The following NCKAP5 variants were observed in gnomAD, a reference collection of about 807,000 sequenced individuals.
The protein encoded by NCKAP5 is NCK associated protein 5.
A neutral mutation model predicts 167.0 loss-of-function variants in NCKAP5; 92 were observed. That is an observed-to-expected ratio of 0.55 (90% confidence interval 0.47 to 0.66). NCKAP5 has a LOEUF of 0.66. Ranked by LOEUF, NCKAP5 falls within the 30% of genes least tolerant of loss-of-function variation. The probability of loss-of-function intolerance (pLI) is 0.00; values close to 1 mark genes in which losing one functional copy is unlikely to be tolerated. For synonymous variants in NCKAP5, 891 were observed against 877.4 expected (o/e 1.02, Z -0.27); for missense variants, 2,378 against 2,315.0 (o/e 1.03, Z -0.56).
intron 5 of NCKAP5, among the ~76,000 whole-genome samples, chr2:133,208,862 A>G (rs1481845603): frequency 6.6e-6 from 1 of 152,228 alleles, no homozygotes; most frequent in East Asian, 1.9e-4. Context: ...TTTCAGGACT[A>G]GTTTGCGTAA....
chr2:133,386,645 C>T (rs191861760), intron 3 of NCKAP5, among the ~76,000 whole-genome samples: 14 of 152,098 alleles, frequency 9.2e-5, no homozygotes, highest in Admixed American at 3.3e-4. Context: ...GTTGACAGTG[C>T]GGTGTTAAAG....
Position 132,782,354 on chromosome 2 carries a change from T to C in NCKAP5, c.4457A>G (p.Lys1486Arg). ...GGTGGGCTTTGTTTGCACTTGGCCC[T>C]TTTCCACATTTTCCTGAATGCACAA... ...VMLCIQENVE[K>R]GQVQTKPTSV... Residue 1486 changes from lysine to arginine, a missense_variant, in exon 14 of 20, where the codon AAG (lysine) becomes AGG (arginine). Physicochemically the swap from Lys to Arg is conservative, Grantham distance 26 (BLOSUM62 2). Around this residue, in one of 3 missense-constraint regions of NCKAP5, gnomAD observed 1,325 missense variants for 1,274.5 expected, o/e 1.04. Coordinates refer to ENST00000409261, the MANE Select transcript of NCKAP5 (RefSeq NM_207363.3). 6.2e-7 allele frequency: 1 copy of C among 1,614,062 alleles called. No individual in the cohort carries two copies.
At chr2:133,541,580 G>A (rs1269246627) in intron 2 of NCKAP5, among the ~76,000 whole-genome samples, 1 of 152,076 alleles carries the variant, frequency 6.6e-6, no homozygotes, top group African/African-American at 2.4e-5. Flanking sequence ...TATGTGGACT[G>A]GAGGCAAAGA....
At chr2:132,901,813 A>G (rs1693649734) in intron 8 of NCKAP5, among the ~76,000 whole-genome samples, 2 of 152,236 alleles carry the variant, frequency 1.3e-5, no homozygotes, top group South Asian at 4.1e-4. Context: ...GTAAAGATAC[A>G]CCAGGAACTT....
At chr2:133,233,262 A>T (rs113501967) in intron 4 of NCKAP5, among the ~76,000 whole-genome samples, 1 of 152,110 alleles carries the variant, frequency 6.6e-6, no homozygotes, top group African/African-American at 2.4e-5. Flanking sequence ...GAAATCACAC[A>T]CTCACAGATA....
intron 3 of NCKAP5, among the ~76,000 whole-genome samples, chr2:133,328,590 A>T (rs1682616974): frequency 6.6e-6 from 1 of 152,210 alleles, no homozygotes; most frequent in Non-Finnish European, 1.5e-5. Flanking sequence ...CAAAGTGTTA[A>T]ATATGTAAGA....
chr2:132,851,075 A>T (rs980676846), intron 11 of NCKAP5, among the ~76,000 whole-genome samples: 5 of 151,740 alleles, frequency 3.3e-5, no homozygotes, highest in Non-Finnish European at 7.4e-5. Context: ...GCCGACAGTG[A>T]TTGACAGAAA....
chr2:132,691,608 C>G (rs758544395), intron 19 of NCKAP5, among the ~76,000 whole-genome samples: 1 of 152,208 alleles, frequency 6.6e-6, no homozygotes, highest in Admixed American at 6.5e-5. Context: ...TGGACAAGCA[C>G]CGCCATTTTA....
intron 2 of NCKAP5, among the ~76,000 whole-genome samples, chr2:133,527,500 C>G (rs1016837): frequency 0.15 from 23,367 of 151,346 alleles, 3,107 homozygotes; most frequent in African/African-American, 0.36. Context: ...CACCCACCCC[C>G]CAAAATAATC....
intron 3 of NCKAP5, among the ~76,000 whole-genome samples, chr2:133,370,487 G>C (rs1266934145): frequency 6.6e-6 from 1 of 152,152 alleles, no homozygotes; most frequent in African/African-American, 2.4e-5. Context: ...AGGGTAAGTA[G>C]AGGTTATGTG....
chr2:132,913,507 G>T (rs927646635), intron 8 of NCKAP5, among the ~76,000 whole-genome samples: 1 of 152,038 alleles, frequency 6.6e-6, no homozygotes, highest in Non-Finnish European at 1.5e-5. Flanking sequence ...GATAGAATAT[G>T]CCTGCTACCT....
intron 6 of NCKAP5, among the ~76,000 whole-genome samples, chr2:133,110,949 C>T (rs2081888786): frequency 6.6e-6 from 1 of 152,258 alleles, no homozygotes; most frequent in South Asian, 2.1e-4. Flanking sequence ...CTCACATGGC[C>T]TCTCATCTGC....
Position 132,783,222 on chromosome 2 carries a change from C to T in NCKAP5, c.3589G>A (p.Ala1197Thr). The T allele has an allele frequency of 6.2e-7, 1 of 1,613,980 alleles. No individual in the cohort carries two copies. The highest frequency in any genetic ancestry group is 8.5e-7 in the Non-Finnish European group (1 of 1,179,890). The change falls in exon 14 of 20, where the codon GCA becomes ACA. Residue 1197 changes from alanine (A) to threonine (T), a missense_variant. Physicochemically the swap from Ala to Thr is moderately conservative, Grantham distance 58 (BLOSUM62 0). Transcript: ENST00000409261. ...TCACCCGCTGTGATCTCCATGCTTG[C>T]TGGATTCTTGGAGTCCTCTGGCTTA... ...KSKPEDSKNP[A>T]SMEITAGERN...
chr2:132,737,113 A>G (rs977439347), intron 16 of NCKAP5, among the ~76,000 whole-genome samples: 1 of 152,174 alleles, frequency 6.6e-6, no homozygotes, highest in Non-Finnish European at 1.5e-5. Flanking sequence ...TTAAAGTTGT[A>G]TCGCACATAG....
chr2:132,963,277 C>T (rs543942288), intron 8 of NCKAP5, among the ~76,000 whole-genome samples: 11 of 152,096 alleles, frequency 7.2e-5, no homozygotes, highest in African/African-American at 9.7e-5. Flanking sequence ...AATTCCTGCA[C>T]GTTTTTTTTA....
At chr2:132,865,520 C>G (rs1690272727) in intron 10 of NCKAP5, among the ~76,000 whole-genome samples, 1 of 152,196 alleles carries the variant, frequency 6.6e-6, no homozygotes, top group East Asian at 1.9e-4. Flanking sequence ...CTATCAAACT[C>G]TAAATGCTCT....
chr2:133,332,921 A>C (rs1682960690), intron 3 of NCKAP5, among the ~76,000 whole-genome samples: 1 of 152,228 alleles, frequency 6.6e-6, no homozygotes, highest in Non-Finnish European at 1.5e-5. Flanking sequence ...CAAATCCATC[A>C]CTGTAGAGGT....
intron 6 of NCKAP5, among the ~76,000 whole-genome samples, chr2:133,075,363 G>A (rs955126237): frequency 2.6e-4 from 40 of 152,246 alleles, no homozygotes; most frequent in African/African-American, 7.2e-4. Flanking sequence ...TAAAGGAGCC[G>A]CTTCAAGAAG....
the NCKAP5 span, among the ~76,000 whole-genome samples, chr2:133,631,567 CA>C: frequency 6.6e-6 from 1 of 152,258 alleles, no homozygotes; most frequent in African/African-American, 2.4e-5. Context: ...GAGTTTTTTG[CA>C]AAAGGTGTAA....
Sources: allele counts gnomAD v4.1 joint callset (sites outside exome capture counted in the v4.1 genomes callset), GRCh38; gene constraint gnomAD v4.1.1; regional missense constraint gnomAD v4.1.1; transcripts MANE v1.5; gene names NCBI Gene and HGNC (gene_info 2026-07-23, HGNC 2026-07-21).